The following SHCBP1 variants were observed in gnomAD, a reference collection of about 807,000 sequenced individuals.
SHCBP1 encodes the protein SHC SH2 domain-binding protein 1.
Under a neutral mutation model 75.1 loss-of-function variants are expected in SHCBP1, and 60 were observed. That is an observed-to-expected ratio of 0.80 (90% CI 0.65 to 0.99). The LOEUF (loss-of-function observed/expected upper bound fraction) is 0.99, where lower values mean the gene tolerates loss of function less well. Among genes scored for constraint, SHCBP1 ranks in the 50% least tolerant of loss-of-function variants. The probability of loss-of-function intolerance (pLI) is 0.00; values close to 1 mark genes in which losing one functional copy is unlikely to be tolerated. For synonymous variants in SHCBP1, 290 were observed against 293.2 expected (o/e 0.99, Z 0.11); for missense variants, 709 against 809.4 (o/e 0.88, Z 1.50).
chr16:46,579,811 C>T lies in SHCBP1; in HGVS notation c.*1918G>A, dbSNP rs1567439105. ...TTAGCCAGGCATGGTGGCTGTCATA[C>T]CAGCTACTTGGGAGGCTGAGGCATG... On this transcript the variant is annotated 3_prime_UTR_variant, in exon 13 of 13. Coordinates refer to ENST00000303383, the MANE Select transcript of SHCBP1 (RefSeq NM_024745.5). Among the ~76,000 whole-genome samples the T allele has an allele frequency of 6.6e-6, 1 of 152,024 alleles. No individual in the cohort carries two copies. The highest frequency in any genetic ancestry group is 1.5e-5 in the Non-Finnish European group (1 of 68,016).
intron 10 of SHCBP1, among the ~76,000 whole-genome samples, chr16:46,587,244 T>G (rs1964967566): frequency 1.3e-5 from 2 of 152,272 alleles, no homozygotes; most frequent in South Asian, 4.1e-4. Context: ...CAGTAAACTG[T>G]TATGTACATA....
intron 3 of SHCBP1, 121 bp downstream of exon 3, chr16:46,617,513 A>G (rs914401224): frequency 5.7e-6 from 4 of 703,814 alleles, no homozygotes; most frequent in Non-Finnish European, 9.0e-6. Flanking sequence ...ATTAGATGTG[A>G]AAAACATGCT....
chr16:46,600,270 C>A lies in SHCBP1; in HGVS notation c.1214-308G>T, dbSNP rs907372606. 4.6e-5 allele frequency among the ~76,000 whole-genome samples: 7 copies of A among 152,120 alleles called. No individual in the cohort carries two copies. The South Asian group carries it at 1.4e-3, about 32-fold the overall frequency. On this transcript the variant is annotated intron_variant, in intron 8 of 12. Coordinates refer to ENST00000303383, the MANE Select transcript of SHCBP1 (RefSeq NM_024745.5). ...ATAAAAAATAAATAATGTTCAAGAC[C>A]AGCCTAGGCAACACAGTGAGATTCC...
At chr16:46,608,205 GT>G in intron 5 of SHCBP1, 91 bp downstream of exon 5, 2 of 700,396 alleles carry the variant, frequency 2.9e-6, no homozygotes, top group East Asian at 2.9e-5. Context: ...GAGTGTGGGT[GT>G]GTGTGTGTGT....
At chr16:46,587,757 A>C (rs1334939280) in intron 10 of SHCBP1, among the ~76,000 whole-genome samples, 1 of 152,158 alleles carries the variant, frequency 6.6e-6, no homozygotes, top group Non-Finnish European at 1.5e-5. Context: ...CAGATCAACA[A>C]GACAGAAAGT....
Position 46,579,180 on chromosome 16 carries a change from TA to T in SHCBP1, c.*2548del, listed in dbSNP as rs1272103581. On this transcript the variant is annotated 3_prime_UTR_variant, in exon 13 of 13. Transcript: ENST00000303383. ...TCAAGGTCACACTAAGAGTGGACCA[TA>T]AGGACAGGACACACAATTAGTCAAC... Among the ~76,000 whole-genome samples, 1 of 152,218 alleles carries T rather than the reference TA, an allele frequency of 6.6e-6. No individual in the cohort carries two copies. Among genetic ancestry groups the T allele is most frequent in the African/African-American group, 2.4e-5 (1 of 41,456 alleles).
chr16:46,608,202 GGTGTGT>G, intron 5 of SHCBP1, 89 bp downstream of exon 5: 1 of 665,284 alleles, frequency 1.5e-6, no homozygotes, highest in Non-Finnish European at 2.7e-6. Flanking sequence ...AGTGAGTGTG[GGTGTGT>G]GTGTGTGTGT....
rs745423179 is a variant in SHCBP1, at chr16:46,580,022, G to A, written c.*1707C>T. Among the ~76,000 whole-genome samples, 7 of 151,040 alleles carry A rather than the reference G, an allele frequency of 4.6e-5. No homozygotes were observed. The highest frequency in any genetic ancestry group is 1.9e-4 in the East Asian group (1 of 5,164). On this transcript the variant is annotated 3_prime_UTR_variant, in exon 13 of 13. Coordinates refer to ENST00000303383, the MANE Select transcript of SHCBP1 (RefSeq NM_024745.5). Reference sequence around the variant, plus strand: ...CACCTATAATCCCAGCTACTCAGGCGACTGAGGCAGGAGAATTGCTTGAAT... The same window carrying A: ...CACCTATAATCCCAGCTACTCAGGCAACTGAGGCAGGAGAATTGCTTGAAT...
At chr16:46,588,889 T>C (rs1216743679) in intron 10 of SHCBP1, among the ~76,000 whole-genome samples, 1 of 152,186 alleles carries the variant, frequency 6.6e-6, no homozygotes, top group Non-Finnish European at 1.5e-5. Context: ...TTTAGACCAA[T>C]ATGCCTGATG....
intron 8 of SHCBP1, among the ~76,000 whole-genome samples, chr16:46,603,205 T>C (rs555913520): frequency 6.6e-6 from 1 of 152,308 alleles, no homozygotes; most frequent in East Asian, 1.9e-4. Flanking sequence ...TTTAAAAATA[T>C]TGCTAGGAAT....
At chr16:46,605,939 C>T (rs1005380886) in intron 5 of SHCBP1, among the ~76,000 whole-genome samples, 7 of 141,436 alleles carry the variant, frequency 4.9e-5, no homozygotes, top group African/African-American at 1.6e-4. Context: ...TTGGTTAATC[C>T]GAAAGAAACT....
At chr16:46,601,175 G>T (rs2143000143) in intron 8 of SHCBP1, among the ~76,000 whole-genome samples, 1 of 152,192 alleles carries the variant, frequency 6.6e-6, no homozygotes, top group Non-Finnish European at 1.5e-5. Context: ...CAGGCATGGT[G>T]GCAGGCACCA....
At position 46,584,065 on chromosome 16, in the gene SHCBP1, C is replaced by CA. The variant is rs779743272; in HGVS notation, c.1488dup (p.Gly497TrpfsTer8). The CA allele has an allele frequency of 6.2e-6, 10 of 1,602,946 alleles. No homozygotes were observed. Among genetic ancestry groups the CA allele is most frequent in the Non-Finnish European group, 5.1e-6 (6 of 1,173,928 alleles). ...TTGTCACTCAGGGTGCACTGACTCC[C>CA]AGGGTAGATTTCTATACCAGCACCC... On this transcript the variant is annotated frameshift_variant, in exon 11 of 13. Transcript: ENST00000303383. LOFTEE classifies it high-confidence loss of function.
At chr16:46,587,025 T>C (rs1964964428) in intron 10 of SHCBP1, among the ~76,000 whole-genome samples, 1 of 152,080 alleles carries the variant, frequency 6.6e-6, no homozygotes, top group Non-Finnish European at 1.5e-5. Context: ...AAGAACACAG[T>C]AAGCAAAGAT....
At chr16:46,599,699 ATC>A in intron 9 of SHCBP1, 130 bp downstream of exon 9, 1 of 388,784 alleles carries the variant, frequency 2.6e-6, no homozygotes. Context: ...AAAACTCAGC[ATC>A]GTGAAGTGCA....
Position 46,579,737 on chromosome 16 carries a change from C to A in SHCBP1, c.*1992G>T, listed in dbSNP as rs1052802914. On this transcript the variant is annotated 3_prime_UTR_variant, in exon 13 of 13. Coordinates refer to ENST00000303383, the MANE Select transcript of SHCBP1 (RefSeq NM_024745.5). ...ATCACTTGAGGTCAGGAGTTTGAGA[C>A]CAGCCTGGCCAACATGGTTAAACCC... is the stretch of plus-strand genomic sequence containing the variant. 6.6e-6 allele frequency among the ~76,000 whole-genome samples: 1 copy of A among 151,848 alleles called. No homozygotes were observed. The highest frequency in any genetic ancestry group is 2.4e-5 in the African/African-American group (1 of 41,332).
In SHCBP1 at chr16:46,618,374, T is replaced by TAAA; in HGVS notation, c.104-5_104-3dup. The TAAA allele has an allele frequency of 8.3e-7, 1 of 1,209,718 alleles. No homozygotes were observed. Among genetic ancestry groups the TAAA allele is most frequent in the Non-Finnish European group, 1.1e-6 (1 of 886,462 alleles). 74.9% of individuals were successfully genotyped at this position (1,209,718 alleles called of 1,614,324 possible). ...ATGAATCTTCATCTTGGAACAAACC[T>TAAA]AAAAAAAAAAAGCAAAAATAAGCAA... On this transcript the variant is annotated splice_polypyrimidine_tract_variant and splice_region_variant and intron_variant, in intron 1 of 12. Coordinates refer to ENST00000303383, the MANE Select transcript of SHCBP1 (RefSeq NM_024745.5).
At chr16:46,621,095 C>A (rs560818923) in intron 1 of SHCBP1, among the ~76,000 whole-genome samples, 162 bp downstream of exon 1, 80 of 152,306 alleles carry the variant, frequency 5.3e-4, no homozygotes, top group African/African-American at 1.9e-3. Context: ...GGGTACCGCC[C>A]GACTTTGAGG....
Position 46,616,275 on chromosome 16 carries a change from T to C in SHCBP1, c.388-121A>G, listed in dbSNP as rs1488464713. On this transcript the variant is annotated intron_variant, in intron 3 of 12. Coordinates refer to ENST00000303383, the MANE Select transcript of SHCBP1 (RefSeq NM_024745.5). This position sits in a 1 kb window ranked among gnomAD's most constrained non-coding sequence, Gnocchi z 4.4. ...AACATGGGTGGGGAGGCTTTACCCA[T>C]AATATAAAGGATGAACAAGACAGGC... The C allele has an allele frequency of 4.5e-5, 42 of 940,014 alleles. No individual in the cohort carries two copies. Among genetic ancestry groups the C allele is most frequent in the Middle Eastern group, 3.3e-4 (1 of 3,038 alleles). 58.2% of individuals were successfully genotyped at this position (940,014 alleles called of 1,614,324 possible). A position where few individuals can be genotyped will look rare whatever the true frequency, so the allele number is the denominator to read the frequency against.
Sources: gnomAD v4.1 joint callset for allele counts (sites outside exome capture counted in the v4.1 genomes callset) on GRCh38, gnomAD v4.1.1 for gene constraint, Gnocchi (gnomAD v3.1) non-coding constraint, MANE v1.5 for transcripts, NCBI Gene and HGNC (gene_info 2026-07-23, HGNC 2026-07-21) for gene names.